ERG: variants seen among roughly 807,000 people sequenced by gnomAD.
ERG encodes the protein transcriptional regulator ERG.
Under a neutral mutation model 55.3 loss-of-function variants are expected in ERG, and 9 were observed. The ratio of observed to expected loss-of-function variants is 0.16; its 90% confidence interval spans 0.10 to 0.28. ERG has a LOEUF of 0.28. Ranked by LOEUF, ERG falls within the 10% of genes least tolerant of loss-of-function variation. The pLI is 1.00. For synonymous variants in ERG, 223 were observed against 237.3 expected (o/e 0.94, Z 0.55); for missense variants, 434 against 631.6 (o/e 0.69, Z 3.35).
At chr21:38,400,208 G>A (rs879757782) in intron 6 of ERG, 20 of 435,010 alleles carry the variant, frequency 4.6e-5, no homozygotes, top group Non-Finnish European at 7.9e-5. Flanking sequence ...CTGATAATCG[G>A]TCACTGTGAA....
chr21:38,509,770 G>A (rs968010542), intron 2 of ERG, among the ~76,000 whole-genome samples: 2 of 152,146 alleles, frequency 1.3e-5, no homozygotes, highest in Non-Finnish European at 2.9e-5. Context: ...AAATAGGGGT[G>A]GTAAATGAGA....
chr21:38,632,522 T>C (rs1012681961), intron 1 of ERG, among the ~76,000 whole-genome samples: 10 of 152,150 alleles, frequency 6.6e-5, no homozygotes, highest in African/African-American at 9.7e-5. Context: ...AATTGAATCA[T>C]GAGAGCAGGT....
intron 1 of ERG, among the ~76,000 whole-genome samples, chr21:38,645,673 A>G (rs890174678): frequency 6.6e-6 from 1 of 152,244 alleles, no homozygotes; most frequent in African/African-American, 2.4e-5. Flanking sequence ...AGACTTGAGA[A>G]AGAGTGAGCT....
chr21:38,439,080 AG>A (rs1057268493), intron 2 of ERG, among the ~76,000 whole-genome samples: 4 of 152,172 alleles, frequency 2.6e-5, no homozygotes, highest in Admixed American at 2.6e-4. Context: ...GACTGGGCTG[AG>A]GGGGGACTCA....
At chr21:38,419,493 A>G (rs1231118001) in intron 3 of ERG, among the ~76,000 whole-genome samples, 1 of 144,348 alleles carries the variant, frequency 6.9e-6, no homozygotes, top group African/African-American at 2.6e-5. Flanking sequence ...GCAATATTTA[A>G]ATGTTGCAAT....
At chr21:38,596,814 G>T (rs1601294234) in intron 1 of ERG, among the ~76,000 whole-genome samples, 1 of 152,190 alleles carries the variant, frequency 6.6e-6, no homozygotes, top group African/African-American at 2.4e-5. Context: ...AGCTGGAAGT[G>T]GTTTACCTCC....
chr21:38,655,567 T>C (rs1400090126), intron 1 of ERG, among the ~76,000 whole-genome samples: 1 of 152,226 alleles, frequency 6.6e-6, no homozygotes, highest in Admixed American at 6.5e-5. Flanking sequence ...GGAACGCACT[T>C]GGCTCCGAAC....
chr21:38,630,257 A>C (rs2060349121), intron 1 of ERG, among the ~76,000 whole-genome samples: 1 of 152,186 alleles, frequency 6.6e-6, no homozygotes, highest in African/African-American at 2.4e-5. Context: ...AAATGATAAA[A>C]TTTATATTAT....
chr21:38,466,564 AG>A (rs576883997), intron 1 of ERG, among the ~76,000 whole-genome samples: 2 of 151,922 alleles, frequency 1.3e-5, no homozygotes, highest in African/African-American at 2.4e-5. Flanking sequence ...TCCCAAAGTG[AG>A]GGGGGGTCTA....
At chr21:38,439,469 A>G (rs1005972358) in intron 2 of ERG, among the ~76,000 whole-genome samples, 4 of 152,112 alleles carry the variant, frequency 2.6e-5, no homozygotes, top group African/African-American at 7.2e-5. Context: ...GCACAGGAAA[A>G]CAGCTGGTTT....
At chr21:38,408,773 C>T (rs1270382587) in intron 3 of ERG, among the ~76,000 whole-genome samples, 1 of 152,144 alleles carries the variant, frequency 6.6e-6, no homozygotes, top group African/African-American at 2.4e-5. Flanking sequence ...ATTCAGCAGG[C>T]CTGTCTTCCT....
upstream of ERG, among the ~76,000 whole-genome samples, chr21:38,501,486 C>T (rs530297996): frequency 6.6e-6 from 1 of 152,282 alleles, no homozygotes; most frequent in African/African-American, 2.4e-5. Flanking sequence ...TACCCCAAGT[C>T]TATGTTATTA....
At chr21:38,506,608 T>G (rs190861543) in intron 2 of ERG, among the ~76,000 whole-genome samples, 2 of 152,196 alleles carry the variant, frequency 1.3e-5, no homozygotes, top group Non-Finnish European at 2.9e-5. Context: ...CATCCAAACA[T>G]TATGCACTTA....
intron 2 of ERG, among the ~76,000 whole-genome samples, chr21:38,554,772 G>T (rs2059847305): frequency 6.6e-6 from 1 of 151,550 alleles, no homozygotes; most frequent in Non-Finnish European, 1.5e-5. Flanking sequence ...AACTCTCATG[G>T]CATGCAATTT....
At chr21:38,629,486 C>T (rs1354732716) in intron 1 of ERG, among the ~76,000 whole-genome samples, 2 of 152,156 alleles carry the variant, frequency 1.3e-5, no homozygotes, top group Non-Finnish European at 2.9e-5. Flanking sequence ...GGGCAAAGGA[C>T]ATGAACAGAC....
chr21:38,428,523 T>C (rs986318449), intron 2 of ERG, among the ~76,000 whole-genome samples: 1 of 152,238 alleles, frequency 6.6e-6, no homozygotes, highest in African/African-American at 2.4e-5. Flanking sequence ...ACAAAGAGTA[T>C]GCTGTGCAGG....
chr21:38,460,331 T>C lies in ERG; in HGVS notation c.19-14710A>G, dbSNP rs569070305. On this transcript the variant is annotated intron_variant, in intron 1 of 9. Coordinates refer to ENST00000288319, the MANE Select transcript of ERG (RefSeq NM_182918.4). This position sits in a 1 kb window ranked among gnomAD's most constrained non-coding sequence, Gnocchi z 5.0. ...GACTCAGAGAGAAGTGGAGTCTCTC[T>C]AGCCGTCTTGGCTAAAAGCCCGGGA... Among the ~76,000 whole-genome samples the C allele has an allele frequency of 6.6e-6, 1 of 152,358 alleles. No individual in the cohort carries two copies. Among genetic ancestry groups the C allele is most frequent in the East Asian group, 1.9e-4 (1 of 5,192 alleles).
chr21:38,660,761 G>A (rs2060549367), intron 1 of ERG: 2 of 151,902 alleles, frequency 1.3e-5, no homozygotes, highest in Non-Finnish European at 2.9e-5. Flanking sequence ...AACCCGGAGT[G>A]CGCGCCGGGG....
chr21:38,390,922 A>ACCAAT (rs1987940291), intron 9 of ERG, 73 bp downstream of exon 9: 1 of 1,202,730 alleles, frequency 8.3e-7, no homozygotes, highest in Non-Finnish European at 1.2e-6. Context: ...TCTCACCAAT[A>ACCAAT]CCAATTTACT....
Sources: gnomAD v4.1 joint callset for allele counts (sites outside exome capture counted in the v4.1 genomes callset) on GRCh38, gnomAD v4.1.1 for gene constraint, Gnocchi (gnomAD v3.1) non-coding constraint, MANE v1.5 for transcripts, NCBI Gene and HGNC (gene_info 2026-07-23, HGNC 2026-07-21) for gene names.